Variants in ANO6 observed in about 807,000 individuals in gnomAD.
ANO6 encodes anoctamin-6.
ANO6 carries 106 observed loss-of-function variants against 117.5 expected under a neutral mutation model. The observed-to-expected ratio is 0.90, with a 90% CI of 0.77 to 1.06. The LOEUF (loss-of-function observed/expected upper bound fraction) is 1.06. Among genes scored for constraint, ANO6 ranks in the 50% least tolerant of loss-of-function variants. The probability of loss-of-function intolerance (pLI) is 0.00; values close to 1 mark genes in which losing one functional copy is unlikely to be tolerated. For synonymous variants in ANO6, 367 were observed against 385.1 expected (o/e 0.95, Z 0.55); for missense variants, 955 against 1,121.1 (o/e 0.85, Z 2.12).
intron 9 of ANO6, among the ~76,000 whole-genome samples, chr12:45,375,123 A>G (rs1941968542): frequency 6.6e-6 from 1 of 152,188 alleles, no homozygotes; most frequent in South Asian, 2.1e-4. Flanking sequence ...AAGAGAATAA[A>G]ATACCTAGGA....
At chr12:45,314,445 CA>C (rs35897974) in intron 2 of ANO6, among the ~76,000 whole-genome samples, 7 of 144,226 alleles carry the variant, frequency 4.9e-5, no homozygotes, top group Admixed American at 2.1e-4. Flanking sequence ...CTTATCTCTA[CA>C]AAAAAAAAAT....
chr12:45,397,311 T>A (rs1269796358), intron 12 of ANO6, among the ~76,000 whole-genome samples: 2 of 152,164 alleles, frequency 1.3e-5, no homozygotes, highest in Non-Finnish European at 2.9e-5. Flanking sequence ...CCAGTTAGAA[T>A]GGTGATCATT....
At chr12:45,315,331 G>C (rs11182971) in intron 2 of ANO6, among the ~76,000 whole-genome samples, 140,552 of 152,016 alleles carry the variant, frequency 0.92, 65,971 homozygotes, top group East Asian at 1. Flanking sequence ...GGATGCATGA[G>C]GAACTGGGGG....
intron 2 of ANO6, among the ~76,000 whole-genome samples, chr12:45,320,370 T>C (rs1186071021): frequency 6.6e-6 from 1 of 152,184 alleles, no homozygotes; most frequent in Non-Finnish European, 1.5e-5. Context: ...CTTCATTTCG[T>C]TATGTACCCA....
At chr12:45,334,472 C>A (rs1940766741) in intron 3 of ANO6, among the ~76,000 whole-genome samples, 1 of 152,126 alleles carries the variant, frequency 6.6e-6, no homozygotes, top group East Asian at 1.9e-4. Flanking sequence ...TCCAGGTAGC[C>A]AGAGGCAGAG....
In ANO6 at chr12:45,429,448, T is replaced by C. The variant is rs1272799364; in HGVS notation, c.*137T>C. ...TATTGCCATTTCCTCATGTATTATT[T>C]TTCAGTTTCAGCTAGCGATGCAGAA... On this transcript the variant is annotated 3_prime_UTR_variant, in exon 20 of 20. Transcript: ENST00000320560. 4 of 1,490,954 alleles carry C rather than the reference T, an allele frequency of 2.7e-6. No homozygotes were observed. Among genetic ancestry groups the C allele is most frequent in the Non-Finnish European group, 3.6e-6 (4 of 1,126,612 alleles). 92.4% of individuals were successfully genotyped at this position (1,490,954 alleles called of 1,614,324 possible).
At chr12:45,409,739 A>T (rs940749285) in intron 16 of ANO6, among the ~76,000 whole-genome samples, 3 of 152,286 alleles carry the variant, frequency 2.0e-5, no homozygotes, top group South Asian at 2.1e-4. Context: ...ATTGAGGTAC[A>T]TCTTTACCAT....
chr12:45,409,459 G>C lies in ANO6; in HGVS notation c.1983G>C (p.Leu661=), dbSNP rs755025236. 6.2e-7 allele frequency: 1 copy of C among 1,613,872 alleles called. No individual in the cohort carries two copies. The highest frequency in any genetic ancestry group is 2.2e-5 in the East Asian group (1 of 44,860). The part of the protein sequence containing the change: ...QDYHLQPMGK[L]GLFYEYLEMI... The stretch of plus-strand genomic sequence containing the variant: ...ACCATCTGCAGCCTATGGGCAAACT[G>C]GGATTATTTTATGAATATCTTGAAA... Residue 661 remains leucine, a synonymous_variant, in exon 16 of 20, where the codon CTG becomes CTC. Transcript: ENST00000320560.
In ANO6 at chr12:45,398,388, A is replaced by G. The variant is rs576271549; in HGVS notation, c.1387-3407A>G. 3.9e-5 allele frequency among the ~76,000 whole-genome samples: 6 copies of G among 152,366 alleles called. No individual in the cohort carries two copies. In the South Asian group the frequency reaches 1.2e-3, roughly 32 times the overall value. On this transcript the variant is annotated intron_variant, in intron 12 of 19. Coordinates refer to ENST00000320560, the MANE Select transcript of ANO6 (RefSeq NM_001025356.3). Reference sequence around the variant, plus strand: ...TAGGACTCAGTGTCTGTGAGGATGAAGTACAACAGTCAACTACTCCAATAC... The same window carrying G: ...TAGGACTCAGTGTCTGTGAGGATGAGGTACAACAGTCAACTACTCCAATAC...
At chr12:45,281,504 G>A (rs1047096817) in intron 1 of ANO6, among the ~76,000 whole-genome samples, 2 of 152,196 alleles carry the variant, frequency 1.3e-5, no homozygotes, top group Non-Finnish European at 2.9e-5. Context: ...GCGAAGGGGA[G>A]GCAGCATGTC....
chr12:45,230,644 A>G (rs912335250), intron 1 of ANO6, among the ~76,000 whole-genome samples: 3 of 151,968 alleles, frequency 2.0e-5, no homozygotes, highest in Non-Finnish European at 4.4e-5. Context: ...ATGAAAGGTA[A>G]GGTTCATAAT....
chr12:45,402,978 G>C, intron 13 of ANO6, 94 bp from the exon 14 acceptor site: 1 of 1,163,678 alleles, frequency 8.6e-7, no homozygotes, highest in South Asian at 1.3e-5. Flanking sequence ...TTTTTAACGT[G>C]TTTAACGTGT....
At chr12:45,286,680 G>A (rs918560531) in intron 1 of ANO6, among the ~76,000 whole-genome samples, 9 of 152,116 alleles carry the variant, frequency 5.9e-5, no homozygotes, top group African/African-American at 1.9e-4. Flanking sequence ...AGAACTTCAG[G>A]CAGGATTAAG....
intron 2 of ANO6, among the ~76,000 whole-genome samples, chr12:45,317,892 C>A (rs965919002): frequency 1.4e-4 from 22 of 152,174 alleles, no homozygotes; most frequent in Non-Finnish European, 2.4e-4. Context: ...GCATTTTTTC[C>A]TGTGTCTGTT....
chr12:45,338,880 T>A (rs1940900698), intron 3 of ANO6, among the ~76,000 whole-genome samples: 1 of 152,008 alleles, frequency 6.6e-6, no homozygotes, highest in South Asian at 2.1e-4. Flanking sequence ...TTCTATTTTA[T>A]CCTACTGGGG....
Position 45,348,305 on chromosome 12 carries a change from G to A in ANO6, c.623G>A (p.Arg208Lys). 1 of 1,614,066 alleles carries A rather than the reference G, an allele frequency of 6.2e-7. No individual in the cohort carries two copies. The highest frequency in any genetic ancestry group is 8.5e-7 in the Non-Finnish European group (1 of 1,179,962). The change falls in exon 5 of 20, where the codon AGA becomes AAA. Residue 208 changes from arginine (R) to lysine (K), a missense_variant. By Grantham distance (26) the Arg-to-Lys change is conservative (BLOSUM62 2). Coordinates refer to ENST00000320560, the MANE Select transcript of ANO6 (RefSeq NM_001025356.3). The part of the protein sequence containing the change: ...DRDAFFNPAT[R>K]SRIVYFILSR... ...GATGCTTTCTTCAATCCAGCCACCA[G>A]AAGCCGCATTGTAAGTCTAAACCAA...
intron 1 of ANO6, chr12:45,270,518 A>G (rs1158716624): frequency 8.6e-7 from 1 of 1,165,728 alleles, no homozygotes; most frequent in Admixed American, 2.2e-5. Flanking sequence ...CCTCCCATCC[A>G]GCCTGGGTAA....
rs538320129 is a variant in ANO6, at chr12:45,326,790, C to T, written c.151-4505C>T. On this transcript the variant is annotated intron_variant, in intron 2 of 19. Transcript: ENST00000320560. The stretch of plus-strand genomic sequence containing the variant: ...CTTCTGAAGCTGTCTTATTCAGCCA[C>T]CTGTTCAAATGGATACCAGGGTTCA... Among the ~76,000 whole-genome samples the T allele has an allele frequency of 6.2e-4, 95 of 152,306 alleles. 1 individual carries two copies. Among genetic ancestry groups the T allele is most frequent in the Middle Eastern group, 6.8e-3 (2 of 294 alleles).
intron 2 of ANO6, among the ~76,000 whole-genome samples, chr12:45,311,742 C>T (rs1939857273): frequency 6.6e-6 from 1 of 152,010 alleles, no homozygotes; most frequent in Non-Finnish European, 1.5e-5. Flanking sequence ...GGATAACAAT[C>T]TAGCATGGAG....
Sources: allele counts gnomAD v4.1 joint callset (sites outside exome capture counted in the v4.1 genomes callset), GRCh38; gene constraint gnomAD v4.1.1; transcripts MANE v1.5; gene names NCBI Gene and HGNC (gene_info 2026-07-23, HGNC 2026-07-21).